KRAS: variants seen among roughly 807,000 people sequenced by gnomAD.
KRAS encodes the protein GTPase KRas.
In KRAS, 1 loss-of-function variant was observed where a neutral mutation model predicts 21.0. That is an observed-to-expected ratio of 0.05 (90% CI 0.02 to 0.23). KRAS has a LOEUF of 0.23. KRAS is among the 10% of genes least tolerant of loss of function. KRAS has a pLI of 1.00. For missense variants in KRAS, 107 were observed against 221.8 expected, an observed-to-expected ratio of 0.48 and a Z score of 3.29; for synonymous variants, 67 against 72.5, an observed-to-expected ratio of 0.92 and a Z score of 0.39.
chr12:25,226,300 A>G (rs1365442518), intron 3 of KRAS, among the ~76,000 whole-genome samples: 4 of 152,214 alleles, frequency 2.6e-5, no homozygotes, highest in African/African-American at 9.6e-5. Flanking sequence ...CATTTTCAAT[A>G]TAACAAGTGC....
At chr12:25,238,472 T>C (rs1951570809) in intron 2 of KRAS, among the ~76,000 whole-genome samples, 1 of 152,234 alleles carries the variant, frequency 6.6e-6, no homozygotes, top group Admixed American at 6.5e-5. Context: ...AGACTACATG[T>C]GAATTATGTA....
intron 2 of KRAS, among the ~76,000 whole-genome samples, chr12:25,242,221 C>T (rs1017976193): frequency 2.6e-5 from 4 of 152,026 alleles, no homozygotes; most frequent in Admixed American, 2.6e-4. Flanking sequence ...TGATGTCAAA[C>T]AATTAGAGCC....
Position 25,250,508 on chromosome 12 carries a change from G to A in KRAS, c.-12+243C>T, listed in dbSNP as rs1210641788. Among the ~76,000 whole-genome samples, 11 of 152,170 alleles carry A rather than the reference G, an allele frequency of 7.2e-5. No homozygotes were observed. The East Asian group carries it at 1.7e-3, about 24-fold the overall frequency. On this transcript the variant is annotated intron_variant, in intron 1 of 4. Coordinates refer to ENST00000311936, the MANE Select transcript of KRAS (RefSeq NM_004985.5). ...CCGTCCAGGAAGCAGCACCAGCGGC[G>A]ACCGCCTCCAGCCTCACCCTCCTCA...
At chr12:25,219,737 A>G (rs1951298564) in intron 4 of KRAS, among the ~76,000 whole-genome samples, 1 of 152,162 alleles carries the variant, frequency 6.6e-6, no homozygotes, top group Admixed American at 6.5e-5. Context: ...AAAAACCACT[A>G]CTTGGGAGAC....
intron 2 of KRAS, among the ~76,000 whole-genome samples, chr12:25,236,901 C>T (rs1286671288): frequency 2.0e-5 from 3 of 151,816 alleles, no homozygotes. Flanking sequence ...GATATACACC[C>T]GAGAGAAGTG....
At position 25,206,245 on chromosome 12, in the gene KRAS, T is replaced by G; in HGVS notation, c.*3550A>C. The G allele has an allele frequency of 4.7e-6, 1 of 212,680 alleles. No individual in the cohort carries two copies. The highest frequency in any genetic ancestry group is 5.8e-5 in the Admixed American group (1 of 17,104). The allele number at this position is 212,680 out of a possible 1,614,324, so 13.2% of individuals were successfully genotyped here. ...CAACAGTTTTGATAACCTATAAAAG[T>G]TAGGTTCTAAATTCCTATGCAGTGT... On this transcript the variant is annotated 3_prime_UTR_variant, in exon 5 of 5. Transcript: ENST00000311936.
intron 2 of KRAS, among the ~76,000 whole-genome samples, chr12:25,244,819 G>T (rs1951657010): frequency 6.6e-6 from 1 of 151,988 alleles, no homozygotes; most frequent in Non-Finnish European, 1.5e-5. Flanking sequence ...GTAGTTGTAG[G>T]TTCTCTAATG....
intron 2 of KRAS, among the ~76,000 whole-genome samples, chr12:25,233,032 G>A (rs1399320279): frequency 1.3e-5 from 2 of 152,058 alleles, no homozygotes; most frequent in Non-Finnish European, 2.9e-5. Flanking sequence ...GTCTTACAAA[G>A]AAAATTTACT....
At chr12:25,250,386 C>T in intron 1 of KRAS, among the ~76,000 whole-genome samples, 1 of 152,104 alleles carries the variant, frequency 6.6e-6, no homozygotes. Context: ...GTAACCTCCA[C>T]CGCACCCCAC....
chr12:25,232,922 T>C (rs1299227297), intron 2 of KRAS, among the ~76,000 whole-genome samples: 1 of 152,206 alleles, frequency 6.6e-6, no homozygotes, highest in Non-Finnish European at 1.5e-5. Flanking sequence ...TTCATAGCCT[T>C]TGACATAGTA....
rs1464309580 is a variant in KRAS at position 25,208,688 on chromosome 12, TC to T, written c.*1106del. The stretch of plus-strand genomic sequence containing the variant: ...TGTTGAGCTATCCAAACTGCCCTAG[TC>T]CCTCCCCATTTTGACTAACCAATGC... On this transcript the variant is annotated 3_prime_UTR_variant, in exon 5 of 5. Coordinates refer to ENST00000311936, the MANE Select transcript of KRAS (RefSeq NM_004985.5). The T allele has an allele frequency of 8.6e-6, 2 of 232,736 alleles. No homozygotes were observed. The highest frequency in any genetic ancestry group is 1.2e-4 in the East Asian group (2 of 16,454). 14.4% of individuals were successfully genotyped at this position (232,736 alleles called of 1,614,324 possible). A position where few individuals can be genotyped will look rare whatever the true frequency, so the allele number is the denominator to read the frequency against.
rs1171740572 is a variant in KRAS, at chr12:25,239,346, G to C, written c.111+5928C>G. On this transcript the variant is annotated intron_variant, in intron 2 of 4. Transcript: ENST00000311936. ...TTAAAGAAAACTTAATTTTTATGCA[G>C]CCAGATAGCTCAGTTTTTTCCCAAA... Among the ~76,000 whole-genome samples, 7 of 152,022 alleles carry C rather than the reference G, an allele frequency of 4.6e-5. No individual in the cohort carries two copies. The East Asian group carries it at 1.3e-3, about 29-fold the overall frequency.
chr12:25,227,407 G>A lies in KRAS; in HGVS notation c.117C>T (p.Ser39=), dbSNP rs2141510554. ...VDEYDPTIED[S]YRKQVVIDGE... is the part of the protein sequence containing the mutation. ...CATCAATTACTACTTGCTTCCTGTA[G>A]GAATCCTGAGAAGGGAGAAACACAG... Residue 39 remains serine (S), a synonymous_variant, in exon 3 of 5, where the codon TCC becomes TCT. Transcript: ENST00000311936. 2 of 1,613,788 alleles carry A rather than the reference G, an allele frequency of 1.2e-6. No homozygotes were observed. Among genetic ancestry groups the A allele is most frequent in the Admixed American group, 1.7e-5 (1 of 60,006 alleles).
At chr12:25,226,794 T>C (rs2141508406) in intron 3 of KRAS, among the ~76,000 whole-genome samples, 1 of 152,288 alleles carries the variant, frequency 6.6e-6, no homozygotes, top group African/African-American at 2.4e-5. Context: ...AAAACTTTTA[T>C]TTTTTAAAAT....
chr12:25,206,449 T>C lies in KRAS; in HGVS notation c.*3346A>G, dbSNP rs1951139679. ...AAGGCTGTAATAATTAGGTAACATT[T>C]ATTTCTAGAATTCTCCCCCTTTAAA... On this transcript the variant is annotated 3_prime_UTR_variant, in exon 5 of 5. Coordinates refer to ENST00000311936, the MANE Select transcript of KRAS (RefSeq NM_004985.5). 1 of 205,394 alleles carries C rather than the reference T, an allele frequency of 4.9e-6. No individual in the cohort carries two copies. The allele number at this position is 205,394 out of a possible 1,614,324, so 12.7% of individuals were successfully genotyped here.
chr12:25,240,464 T>C (rs1004868079), intron 2 of KRAS, among the ~76,000 whole-genome samples: 12 of 152,204 alleles, frequency 7.9e-5, no homozygotes, highest in African/African-American at 2.7e-4. Flanking sequence ...GAGTACTACG[T>C]TGAACCCACA....
chr12:25,206,278 T>C lies in KRAS; in HGVS notation c.*3517A>G, dbSNP rs1951137522. On this transcript the variant is annotated 3_prime_UTR_variant, in exon 5 of 5. Coordinates refer to ENST00000311936, the MANE Select transcript of KRAS (RefSeq NM_004985.5). ...TAAATTCCTATGCAGTGTGACTCAG[T>C]TAAATAGAGCCTAGAATGCCTACTT... The C allele has an allele frequency of 4.8e-6, 1 of 209,314 alleles. No individual in the cohort carries two copies. The highest frequency in any genetic ancestry group is 2.3e-5 in the African/African-American group (1 of 44,104). The allele number at this position is 209,314 out of a possible 1,614,324, so 13.0% of individuals were successfully genotyped here.
intron 4 of KRAS, among the ~76,000 whole-genome samples, chr12:25,217,957 TTATTATTTTTACC>T (rs1467977458): frequency 6.6e-6 from 1 of 152,224 alleles, no homozygotes; most frequent in Non-Finnish European, 1.5e-5. Context: ...AGGAAAGGGT[TTATTATTTTTACC>T]TTTGTCTTGA....
Position 25,250,897 on chromosome 12 carries a change from G to A in KRAS, c.-158C>T, listed in dbSNP as rs976602539. ...CTTCGCCGCCGCCACTGCCGCCGCCGCTGCTGCCTCCGCCGCCGCGGCCGC... is the reference window on the plus strand; with the variant it reads ...CTTCGCCGCCGCCACTGCCGCCGCCACTGCTGCCTCCGCCGCCGCGGCCGC... On this transcript the variant is annotated 5_prime_UTR_variant, in exon 1 of 5. Transcript: ENST00000311936. The A allele has an allele frequency of 3.7e-4, 92 of 247,182 alleles. No homozygotes were observed. Among genetic ancestry groups the A allele is most frequent in the African/African-American group, 1.9e-3 (85 of 43,848 alleles). 15.3% of individuals were successfully genotyped at this position (247,182 alleles called of 1,614,324 possible). A position where few individuals can be genotyped will look rare whatever the true frequency, so the allele number is the denominator to read the frequency against.
Sources: gnomAD v4.1 joint callset for allele counts (sites outside exome capture counted in the v4.1 genomes callset) on GRCh38, gnomAD v4.1.1 for gene constraint, MANE v1.5 for transcripts, NCBI Gene and HGNC (gene_info 2026-07-23, HGNC 2026-07-21) for gene names.